Variants in CNBD1 observed in about 807,000 individuals in gnomAD.
The protein encoded by CNBD1 is cyclic nucleotide binding domain containing 1.
A neutral mutation model predicts 54.4 loss-of-function variants in CNBD1; 71 were observed. The ratio of observed to expected loss-of-function variants is 1.30; its 90% CI spans 1.08 to 1.59. The LOEUF (loss-of-function observed/expected upper bound fraction) is 1.59. Among genes scored for constraint, CNBD1 ranks in the 40% most tolerant of loss-of-function variants. The pLI, the probability that CNBD1 is intolerant of heterozygous loss-of-function variation, is 0.00. For synonymous variants in CNBD1, 182 were observed against 170.7 expected, an observed-to-expected ratio of 1.07 and a Z score of -0.51; for missense variants, 659 against 518.0, an observed-to-expected ratio of 1.27 and a Z score of -2.64.
intron 4 of CNBD1, among the ~76,000 whole-genome samples, chr8:87,063,002 A>G (rs939409766): frequency 6.6e-6 from 1 of 152,194 alleles, no homozygotes; most frequent in Non-Finnish European, 1.5e-5. Context: ...AATAAGAACT[A>G]TAGTGCAGAT....
In CNBD1 at chr8:87,411,333, T is replaced by C. The variant is rs1318546285; in HGVS notation, c.214-17213T>C. ...TTTAACTTGTGATTCACCACAAAAG[T>C]CCACTTTTTTGCTTTCTATAGCTTT... is the stretch of plus-strand genomic sequence containing the variant. On this transcript the variant is annotated intron_variant, in intron 2 of 7. Coordinates refer to the CNBD1 transcript ENST00000521593. Among the ~76,000 whole-genome samples, 6 of 146,632 alleles carry C rather than the reference T, an allele frequency of 4.1e-5. No individual in the cohort carries two copies. The East Asian group carries it at 1.1e-3, about 26-fold the overall frequency.
chr8:87,267,835 A>C (rs938926870), intron 6 of CNBD1, among the ~76,000 whole-genome samples: 2 of 152,208 alleles, frequency 1.3e-5, no homozygotes, highest in African/African-American at 4.8e-5. Flanking sequence ...AGTAGAGCAT[A>C]TAGTTAAGAA....
intron 5 of CNBD1, among the ~76,000 whole-genome samples, chr8:87,236,021 A>G (rs1807577614): frequency 6.6e-6 from 1 of 152,172 alleles, no homozygotes; most frequent in Non-Finnish European, 1.5e-5. Context: ...TCAGAAAAAA[A>G]GCAGACATGG....
chr8:87,371,120 G>A (rs1370175166), intron 10 of CNBD1, among the ~76,000 whole-genome samples: 1 of 151,644 alleles, frequency 6.6e-6, no homozygotes, highest in African/African-American at 2.4e-5. Context: ...ATGCTGTTTT[G>A]GTTACTGTAG....
At chr8:86,893,061 C>T (rs944786421) in intron 2 of CNBD1, among the ~76,000 whole-genome samples, 20 of 152,178 alleles carry the variant, frequency 1.3e-4, no homozygotes, top group African/African-American at 4.6e-4. Context: ...GGAATGAAGC[C>T]ATTTTTTATT....
At chr8:87,260,607 A>G (rs1258158423) in intron 6 of CNBD1, among the ~76,000 whole-genome samples, 1 of 152,162 alleles carries the variant, frequency 6.6e-6, no homozygotes, top group Admixed American at 6.6e-5. Flanking sequence ...CAGAAATCTG[A>G]CTGGTAAGAA....
intron 6 of CNBD1, among the ~76,000 whole-genome samples, chr8:87,271,113 G>A (rs935585811): frequency 6.6e-6 from 1 of 151,626 alleles, no homozygotes; most frequent in Non-Finnish European, 1.5e-5. Flanking sequence ...GATCTCAGTT[G>A]TTATGTCTCC....
chr8:86,937,824 G>A (rs957373689), intron 3 of CNBD1, among the ~76,000 whole-genome samples: 12 of 152,234 alleles, frequency 7.9e-5, no homozygotes, highest in African/African-American at 2.6e-4. Context: ...CCATTGTCTT[G>A]GAGAGTAACA....
intron 4 of CNBD1, among the ~76,000 whole-genome samples, chr8:87,004,897 A>G (rs939401814): frequency 6.6e-6 from 1 of 152,174 alleles, no homozygotes; most frequent in Non-Finnish European, 1.5e-5. Context: ...TTAAAATACC[A>G]CTGAAGTTAA....
At chr8:87,364,670 G>A (rs1378141082) in intron 10 of CNBD1, among the ~76,000 whole-genome samples, 1 of 151,762 alleles carries the variant, frequency 6.6e-6, no homozygotes, top group East Asian at 2.0e-4. Flanking sequence ...ATAGGCCCCA[G>A]TGTGTATTGT....
At chr8:87,251,367 G>T (rs34451281) in intron 6 of CNBD1, among the ~76,000 whole-genome samples, 43,259 of 151,730 alleles carry the variant, frequency 0.29, 6,647 homozygotes, top group African/African-American at 0.4. Context: ...CAGGTGGATT[G>T]CCTCAGGTCA....
intron 2 of CNBD1, among the ~76,000 whole-genome samples, chr8:87,425,102 G>C (rs1808021685): frequency 6.6e-6 from 1 of 151,788 alleles, no homozygotes; most frequent in East Asian, 1.9e-4. Context: ...CTTTCTTCCA[G>C]TTGATCGCAT....
intron 4 of CNBD1, among the ~76,000 whole-genome samples, chr8:86,960,992 C>T (rs192534465): frequency 5.9e-5 from 9 of 152,280 alleles, no homozygotes; most frequent in Middle Eastern, 3.4e-3. Context: ...GACCTTAAAG[C>T]CTTTCACCAA....
At chr8:87,005,707 T>A (rs1366102939) in intron 4 of CNBD1, among the ~76,000 whole-genome samples, 1 of 151,988 alleles carries the variant, frequency 6.6e-6, no homozygotes. Flanking sequence ...GAAATTGAAC[T>A]CAAGTCTATT....
intron 5 of CNBD1, among the ~76,000 whole-genome samples, chr8:87,234,772 G>A (rs747530098): frequency 1.1e-4 from 16 of 152,086 alleles, no homozygotes; most frequent in Non-Finnish European, 1.3e-4. Flanking sequence ...CAGCTGACCT[G>A]CATGTCACCA....
intron 4 of CNBD1, among the ~76,000 whole-genome samples, chr8:87,085,275 C>T (rs1450269616): frequency 6.6e-6 from 1 of 152,068 alleles, no homozygotes; most frequent in African/African-American, 2.4e-5. Flanking sequence ...ATATGTGGGC[C>T]TGATTCTTCC....
intron 4 of CNBD1, among the ~76,000 whole-genome samples, chr8:86,967,141 C>T (rs1808099113): frequency 1.3e-5 from 2 of 152,332 alleles, no homozygotes. Flanking sequence ...GCCAGGCAGC[C>T]AGACCAGACA....
chr8:87,186,363 C>T (rs1021118616), intron 4 of CNBD1, among the ~76,000 whole-genome samples: 2 of 152,072 alleles, frequency 1.3e-5, no homozygotes, highest in Non-Finnish European at 2.9e-5. Context: ...TCAAAGATTT[C>T]TTCTCTCTTT....
chr8:87,135,743 T>A (rs1443547736), intron 4 of CNBD1, among the ~76,000 whole-genome samples: 1 of 150,490 alleles, frequency 6.6e-6, no homozygotes, highest in Non-Finnish European at 1.5e-5. Flanking sequence ...AACATATATA[T>A]AATATAGTGG....
Sources: gnomAD v4.1 joint callset for allele counts (sites outside exome capture counted in the v4.1 genomes callset) on GRCh38, gnomAD v4.1.1 for gene constraint, MANE v1.5 for transcripts, NCBI Gene and HGNC (gene_info 2026-07-23, HGNC 2026-07-21) for gene names.